The following ARHGAP24 variants were observed in gnomAD, a reference collection of about 807,000 sequenced individuals.
The protein encoded by ARHGAP24 is rho GTPase-activating protein 24.
Under a neutral mutation model 76.4 loss-of-function variants are expected in ARHGAP24, and 50 were observed. The observed-to-expected ratio is 0.65, with a 90% CI of 0.52 to 0.83. The LOEUF is 0.83. Among genes scored for constraint, ARHGAP24 ranks in the 40% least tolerant of loss-of-function variants. The probability of loss-of-function intolerance (pLI) is 0.00; values close to 1 mark genes in which losing one functional copy is unlikely to be tolerated. For synonymous variants in ARHGAP24, 345 were observed against 323.3 expected (o/e 1.07, Z -0.72); for missense variants, 930 against 914.2 (o/e 1.02, Z -0.22).
At chr4:85,564,429 T>A (rs908766848) in intron 1 of ARHGAP24, among the ~76,000 whole-genome samples, 13 of 133,752 alleles carry the variant, frequency 9.7e-5, no homozygotes, top group East Asian at 4.6e-4. Context: ...CATTAGGAGA[T>A]ATACCTAATG....
In ARHGAP24 at chr4:85,677,561, C is replaced by A. The variant is rs922960137; in HGVS notation, c.181-44324C>A. ...TTTTAACCATGAACAGTTATGAGTCCTCTGATAACATTTCAGTGGTAAAAT... is the reference window on the plus strand; with the variant it reads ...TTTTAACCATGAACAGTTATGAGTCATCTGATAACATTTCAGTGGTAAAAT... On this transcript the variant is annotated intron_variant, in intron 2 of 9. Transcript: ENST00000395184. 2.0e-5 allele frequency among the ~76,000 whole-genome samples: 3 copies of A among 152,280 alleles called. No individual in the cohort carries two copies. The South Asian group carries it at 6.2e-4, about 32-fold the overall frequency.
chr4:85,889,813 A>G (rs1363818240), intron 3 of ARHGAP24, among the ~76,000 whole-genome samples: 1 of 152,158 alleles, frequency 6.6e-6, no homozygotes, highest in Non-Finnish European at 1.5e-5. Flanking sequence ...AGCAAGAGCA[A>G]TCACAGCACA....
At chr4:85,660,800 A>AAAAAAAAAAAG in intron 2 of ARHGAP24, among the ~76,000 whole-genome samples, 1 of 144,906 alleles carries the variant, frequency 6.9e-6, no homozygotes, top group Non-Finnish European at 1.5e-5. Context: ...GTCTCAAAAA[A>AAAAAAAAAAAG]AAAAAAAAAA....
At chr4:85,655,839 A>T (rs1175744461) in intron 2 of ARHGAP24, among the ~76,000 whole-genome samples, 2 of 119,680 alleles carry the variant, frequency 1.7e-5, no homozygotes, top group African/African-American at 6.5e-5. Context: ...AGAGAGAGAG[A>T]GAGAGACAGA....
chr4:85,989,581 A>G (rs1740203509), intron 8 of ARHGAP24, among the ~76,000 whole-genome samples: 2 of 151,840 alleles, frequency 1.3e-5, no homozygotes, highest in East Asian at 1.9e-4. Flanking sequence ...AAGACATTAT[A>G]AGAAAAGAGA....
intron 2 of ARHGAP24, among the ~76,000 whole-genome samples, chr4:85,679,564 A>AT (rs1009208935): frequency 6.6e-6 from 1 of 152,180 alleles, no homozygotes; most frequent in African/African-American, 2.4e-5. Flanking sequence ...CCCTCAGTCC[A>AT]TTAATTTTTC....
chr4:85,640,810 TG>T (rs1462200148), intron 2 of ARHGAP24, among the ~76,000 whole-genome samples: 1 of 152,168 alleles, frequency 6.6e-6, no homozygotes, highest in African/African-American at 2.4e-5. Context: ...AGTCAGGATT[TG>T]ATTATTTGGC....
chr4:85,957,001 G>A (rs1737955306), intron 5 of ARHGAP24, among the ~76,000 whole-genome samples: 1 of 152,206 alleles, frequency 6.6e-6, no homozygotes, highest in South Asian at 2.1e-4. Flanking sequence ...TCAGGCGGTA[G>A]ATGATTGGCT....
intron 3 of ARHGAP24, among the ~76,000 whole-genome samples, chr4:85,858,144 A>T (rs1022502473): frequency 6.6e-6 from 1 of 152,204 alleles, no homozygotes. Context: ...TTGTTCATTC[A>T]TGTAACATTC....
intron 3 of ARHGAP24, among the ~76,000 whole-genome samples, chr4:85,737,221 G>T (rs1164184266): frequency 6.6e-6 from 1 of 152,130 alleles, no homozygotes; most frequent in East Asian, 1.9e-4. Flanking sequence ...CCTCTCCCCA[G>T]TGCCTATGAA....
intron 8 of ARHGAP24, among the ~76,000 whole-genome samples, chr4:85,979,536 A>G (rs937043012): frequency 1.3e-5 from 2 of 152,074 alleles, no homozygotes; most frequent in African/African-American, 2.4e-5. Context: ...TTCAGTTTCT[A>G]TGAATTTGTC....
At chr4:85,671,118 G>T (rs1384835413) in intron 2 of ARHGAP24, among the ~76,000 whole-genome samples, 1 of 152,062 alleles carries the variant, frequency 6.6e-6, no homozygotes, top group Non-Finnish European at 1.5e-5. Flanking sequence ...ATGACACCTT[G>T]TATTTTTTGC....
chr4:85,496,579 C>G (rs1723593082), intron 1 of ARHGAP24, among the ~76,000 whole-genome samples: 1 of 152,080 alleles, frequency 6.6e-6, no homozygotes, highest in African/African-American at 2.4e-5. Flanking sequence ...TCACATTGGA[C>G]AGGTTTCAAA....
At chr4:85,938,007 A>C (rs1415626837) in intron 4 of ARHGAP24, among the ~76,000 whole-genome samples, 1 of 152,198 alleles carries the variant, frequency 6.6e-6, no homozygotes, top group Non-Finnish European at 1.5e-5. Flanking sequence ...ACAGTCACTC[A>C]CTTCATAGGC....
intron 3 of ARHGAP24, among the ~76,000 whole-genome samples, chr4:85,833,673 A>G (rs1481266163): frequency 2.0e-5 from 3 of 152,228 alleles, no homozygotes; most frequent in Non-Finnish European, 4.4e-5. Flanking sequence ...TTGGATTTGT[A>G]TTAGCTAAGA....
chr4:85,583,729 C>T, intron 2 of ARHGAP24, among the ~76,000 whole-genome samples: 4 of 148,760 alleles, frequency 2.7e-5, no homozygotes, highest in African/African-American at 1.0e-4. Context: ...CTACAATGAA[C>T]TCAAACAAAT....
At chr4:85,899,922 T>C (rs1231858008) in intron 3 of ARHGAP24, among the ~76,000 whole-genome samples, 14 of 152,126 alleles carry the variant, frequency 9.2e-5, no homozygotes, top group Admixed American at 9.2e-4. Context: ...ATTAAGATAA[T>C]ACAAAATGTG....
intron 4 of ARHGAP24, chr4:85,930,877 A>G (rs1245186216): frequency 1.2e-6 from 2 of 1,611,942 alleles, no homozygotes; most frequent in Non-Finnish European, 1.7e-6. Context: ...GGTTTCGCTC[A>G]GAGGCAGGTT....
intron 3 of ARHGAP24, among the ~76,000 whole-genome samples, chr4:85,916,195 G>C (rs897379353): frequency 6.6e-6 from 1 of 152,030 alleles, no homozygotes; most frequent in Non-Finnish European, 1.5e-5. Flanking sequence ...TTTCATGTTT[G>C]TTGGCCGCAT....
Sources: allele counts gnomAD v4.1 joint callset (sites outside exome capture counted in the v4.1 genomes callset), GRCh38; gene constraint gnomAD v4.1.1; transcripts MANE v1.5; gene names NCBI Gene and HGNC (gene_info 2026-07-23, HGNC 2026-07-21).